Variants in ROPN1L observed in about 807,000 individuals in gnomAD.
ROPN1L encodes ropporin-1-like protein.
ROPN1L carries 23 observed loss-of-function variants against 22.7 expected under a neutral mutation model. The ratio of observed to expected loss-of-function variants is 1.01; its 90% CI spans 0.73 to 1.43. ROPN1L has a LOEUF of 1.43. Among genes scored for constraint, ROPN1L ranks in the 40% most tolerant of loss-of-function variants. The pLI, the probability that ROPN1L is intolerant of heterozygous loss-of-function variation, is 0.00. For missense variants in ROPN1L, 271 were observed against 291.5 expected (o/e 0.93, Z 0.51); for synonymous variants, 116 against 117.8 (o/e 0.98, Z 0.10).
chr5:10,478,782 T>C, the ROPN1L span, among the ~76,000 whole-genome samples: 1 of 152,150 alleles, frequency 6.6e-6, no homozygotes, highest in Non-Finnish European at 1.5e-5. Context: ...AGCCAGTAAA[T>C]CTTCCTCCCC....
intron 4 of ROPN1L, among the ~76,000 whole-genome samples, chr5:10,463,185 G>A (rs766622288): frequency 3.3e-5 from 5 of 152,214 alleles, no homozygotes; most frequent in African/African-American, 4.8e-5. Flanking sequence ...TGGAGCTAAC[G>A]TTGGAATATA....
chr5:10,478,494 C>T, the ROPN1L span, among the ~76,000 whole-genome samples: 1 of 152,168 alleles, frequency 6.6e-6, no homozygotes, highest in Non-Finnish European at 1.5e-5. Flanking sequence ...GGGGGTCCTT[C>T]CTGCTTCTGC....
chr5:10,467,989 C>T (rs1735182834), downstream of ROPN1L, among the ~76,000 whole-genome samples: 1 of 152,224 alleles, frequency 6.6e-6, no homozygotes, highest in African/African-American at 2.4e-5. Context: ...GGGCCACTGG[C>T]CGGCTCAGCA....
intron 1 of ROPN1L, 30 bp downstream of exon 1, chr5:10,442,328 G>A (rs769643789): frequency 6.2e-6 from 10 of 1,609,772 alleles, no homozygotes; most frequent in Non-Finnish European, 6.8e-6. Context: ...GGAGCTGTCC[G>A]GTCTACATGC....
rs142401850 is a variant in ROPN1L at position 10,464,910 on chromosome 5, T to C, written c.656T>C (p.Leu219Ser). The C allele has an allele frequency of 3.9e-4, 626 of 1,607,476 alleles. 6 individuals are homozygous for C. In the African/African-American group the frequency reaches 7.0e-3, roughly 18 times the overall value. Residue 219 changes from leucine (L) to serine (S), a missense_variant, in exon 5 of 5, where the codon TTA becomes TCA. Leu to Ser is a moderately radical substitution (Grantham distance 145). Transcript: ENST00000274134. ...TTCTTCTTTCCAAAGAGGAAACTTT[T>C]AGAAAGCATTGAAAACTCTGAAGAT... ...SDFFFPKRKL[L>S]ESIENSEDVG...
At chr5:10,452,305 G>C (rs951062445) in intron 3 of ROPN1L, among the ~76,000 whole-genome samples, 10 of 145,506 alleles carry the variant, frequency 6.9e-5, no homozygotes, top group Admixed American at 5.4e-4. Context: ...GTGTGTGTGT[G>C]TGTGTGTGTC....
chr5:10,448,236 T>G, intron 1 of ROPN1L, 24 bp from the exon 2 acceptor site: 5 of 1,613,598 alleles, frequency 3.1e-6, no homozygotes, highest in Non-Finnish European at 4.2e-6. Flanking sequence ...TGATGAGCTT[T>G]CAGAGATGTC....
chr5:10,479,603 G>A, the ROPN1L span, among the ~76,000 whole-genome samples: 5 of 152,294 alleles, frequency 3.3e-5, no homozygotes, highest in African/African-American at 7.2e-5. Flanking sequence ...GCTGGGACTC[G>A]GCTGGCAGCT....
At chr5:10,443,600 G>GC (rs1057392430) in intron 1 of ROPN1L, among the ~76,000 whole-genome samples, 1 of 150,826 alleles carries the variant, frequency 6.6e-6, no homozygotes, top group African/African-American at 2.5e-5. Context: ...CCGCAGTCCG[G>GC]CCCGGGCGAC....
At chr5:10,482,311 C>T in the ROPN1L span, 10 of 152,150 alleles carry the variant, frequency 6.6e-5, no homozygotes, top group East Asian at 1.9e-3. Flanking sequence ...AAACGAAAAC[C>T]GTAAAAGATA....
chr5:10,465,530 C>G (rs1468322269), downstream of ROPN1L, among the ~76,000 whole-genome samples: 1 of 143,808 alleles, frequency 7.0e-6, no homozygotes, highest in South Asian at 2.3e-4. Flanking sequence ...AAAACAAAAA[C>G]AAAAACACAA....
chr5:10,453,173 C>T (rs1220426433), intron 3 of ROPN1L, among the ~76,000 whole-genome samples: 1 of 152,236 alleles, frequency 6.6e-6, no homozygotes, highest in East Asian at 1.9e-4. Flanking sequence ...CGGCTGTAGA[C>T]TCAGGGTCAG....
At chr5:10,459,392 T>TTCCCGCCTTCCACC (rs1561175225) in intron 3 of ROPN1L, among the ~76,000 whole-genome samples, 1 of 145,628 alleles carries the variant, frequency 6.9e-6, no homozygotes, top group African/African-American at 2.7e-5. Context: ...CCTCATCACT[T>TTCCCGCCTTCCACC]CTCTTCACAC....
chr5:10,444,575 GC>G, intron 1 of ROPN1L, among the ~76,000 whole-genome samples: 1 of 151,678 alleles, frequency 6.6e-6, no homozygotes, highest in East Asian at 2.0e-4. Context: ...ACCAGTGTAA[GC>G]CACCGCACCT....
the ROPN1L span, chr5:10,481,824 G>A: frequency 2.0e-5 from 3 of 152,212 alleles, no homozygotes; most frequent in Non-Finnish European, 2.9e-5. Context: ...AGCGGGAGAT[G>A]TTATCTTTAT....
In ROPN1L at chr5:10,454,415, A is replaced by T. The variant is rs8180444; in HGVS notation, c.417+4302A>T. ...TGAGATTTATAGGTACAAGCCACAG[A>T]GCCTGGCTGACTTTTATTTTTCCAT... On this transcript the variant is annotated intron_variant, in intron 3 of 4. Transcript: ENST00000274134. Among the ~76,000 whole-genome samples, 66 of 152,318 alleles carry T rather than the reference A, an allele frequency of 4.3e-4. 1 individual carries two copies. In the East Asian group the frequency reaches 0.012, roughly 28 times the overall value.
chr5:10,459,964 G>C (rs745962817), intron 3 of ROPN1L, among the ~76,000 whole-genome samples: 7 of 152,200 alleles, frequency 4.6e-5, no homozygotes, highest in Non-Finnish European at 7.3e-5. Flanking sequence ...TTACGTTTAA[G>C]CAGCCACCTG....
downstream of ROPN1L, among the ~76,000 whole-genome samples, chr5:10,473,915 G>T (rs1735283962): frequency 6.6e-6 from 1 of 152,162 alleles, no homozygotes; most frequent in Non-Finnish European, 1.5e-5. Flanking sequence ...ACTTTAGGAG[G>T]CTGAGGCAGG....
At chr5:10,467,397 A>G (rs1735172798), downstream of ROPN1L, among the ~76,000 whole-genome samples, 1 of 152,206 alleles carries the variant, frequency 6.6e-6, no homozygotes, top group African/African-American at 2.4e-5. Context: ...TGCCAAGGTT[A>G]AGGACGTGCC....
Sources: gnomAD v4.1 joint callset for allele counts (sites outside exome capture counted in the v4.1 genomes callset) on GRCh38, gnomAD v4.1.1 for gene constraint, MANE v1.5 for transcripts, NCBI Gene and HGNC (gene_info 2026-07-23, HGNC 2026-07-21) for gene names.